The following CHD1L variants were observed in gnomAD, a reference collection of about 807,000 sequenced individuals.
CHD1L encodes the protein chromodomain helicase DNA binding protein 1 like.
CHD1L carries 118 observed loss-of-function variants against 115.9 expected under a neutral mutation model. The ratio of observed to expected loss-of-function variants is 1.02; its 90% CI spans 0.88 to 1.19. CHD1L has a LOEUF of 1.19. CHD1L is among the 50% of genes most tolerant of loss of function. The probability of loss-of-function intolerance (pLI) is 0.00; values close to 1 mark genes in which losing one functional copy is unlikely to be tolerated. For synonymous variants in CHD1L, 411 were observed against 387.1 expected (o/e 1.06, Z -0.72); for missense variants, 1,179 against 1,065.3 (o/e 1.11, Z -1.49).
intron 1 of CHD1L, among the ~76,000 whole-genome samples, chr1:147,243,560 C>T (rs1307324268): frequency 6.6e-6 from 1 of 152,136 alleles, no homozygotes; most frequent in East Asian, 1.9e-4. Flanking sequence ...GACCGTACTT[C>T]CTGCAGCTCC....
At chr1:147,186,683 C>T in the CHD1L span, 1 of 1,373,324 alleles carries the variant, frequency 7.3e-7, no homozygotes, top group African/African-American at 1.5e-5. Flanking sequence ...GGGATTACCA[C>T]AAGGAAGAGT....
the CHD1L span, among the ~76,000 whole-genome samples, chr1:147,232,832 G>A: frequency 5.3e-5 from 8 of 152,266 alleles, no homozygotes; most frequent in South Asian, 6.2e-4. Flanking sequence ...GTGCAGTGGC[G>A]TGATCTCGGC....
At chr1:147,174,682 TCTC>T in the CHD1L span, 1 of 151,998 alleles carries the variant, frequency 6.6e-6, no homozygotes, top group Non-Finnish European at 1.5e-5. Context: ...AAGAATGAAT[TCTC>T]CTTAGTCCCA....
At chr1:147,179,451 A>C in the CHD1L span, 1 of 1,590,198 alleles carries the variant, frequency 6.3e-7, no homozygotes, top group Non-Finnish European at 8.6e-7. Context: ...CTCCATATGA[A>C]GTCAGAGTTT....
rs782010267 is a variant in CHD1L at position 147,295,489 on chromosome 1, T to C, written c.2674T>C (p.Ser892Pro). 6.2e-7 allele frequency: 1 copy of C among 1,610,626 alleles called. No individual in the cohort carries two copies. The highest frequency in any genetic ancestry group is 1.7e-5 in the Admixed American group (1 of 59,868). ...TCATTCACAGTCTTCATCTTCCTCC[T>C]CAAGACAGCTGGTGCCTTAAGAATT... ...VLHSQSSSSS[S>P]RQLVP The change falls in exon 23 of 23, where the codon TCA becomes CCA. Residue 892 changes from serine to proline, a missense_variant. By Grantham distance (74) the Ser-to-Pro change is moderately conservative. Transcript: ENST00000369258.
intron 19 of CHD1L, among the ~76,000 whole-genome samples, chr1:147,289,025 C>G (rs985240336): frequency 1.3e-5 from 2 of 152,084 alleles, no homozygotes; most frequent in African/African-American, 4.8e-5. Context: ...CCTAATTCTG[C>G]CCAGTTCTCT....
intron 17 of CHD1L, among the ~76,000 whole-genome samples, chr1:147,285,824 G>C (rs1281093588): frequency 6.6e-6 from 1 of 152,034 alleles, no homozygotes; most frequent in Non-Finnish European, 1.5e-5. Flanking sequence ...AACCTCCCTA[G>C]TAGCTGGGAA....
chr1:147,178,204 A>G, the CHD1L span: 4 of 1,613,056 alleles, frequency 2.5e-6, no homozygotes, highest in Non-Finnish European at 3.4e-6. Context: ...GCTAGGACTC[A>G]GGGACGACAA....
the CHD1L span, chr1:147,201,585 G>C: frequency 2.2e-5 from 22 of 1,011,794 alleles, no homozygotes; most frequent in Non-Finnish European, 3.3e-5. Context: ...TGCTTTGGTG[G>C]AGGTAAACAG....
At chr1:147,288,700 G>A (rs1684353985) in intron 19 of CHD1L, among the ~76,000 whole-genome samples, 1 of 152,114 alleles carries the variant, frequency 6.6e-6, no homozygotes, top group African/African-American at 2.4e-5. Flanking sequence ...CTATGGGAGA[G>A]AAATTGGACA....
At chr1:147,179,604 A>T in the CHD1L span, 6 of 1,573,020 alleles carry the variant, frequency 3.8e-6, no homozygotes, top group South Asian at 1.1e-5. Context: ...ACCCAAGAAG[A>T]AGAAGGCACA....
intron 1 of CHD1L, among the ~76,000 whole-genome samples, chr1:147,249,777 G>A (rs1169426693): frequency 6.6e-6 from 1 of 152,142 alleles, no homozygotes; most frequent in Non-Finnish European, 1.5e-5. Context: ...GAAGTTTTCA[G>A]CTATTATTTA....
chr1:147,223,356 A>G, the CHD1L span, among the ~76,000 whole-genome samples: 5 of 152,258 alleles, frequency 3.3e-5, 1 homozygote, highest in Admixed American at 3.3e-4. Flanking sequence ...TTAGTCCCCA[A>G]AACAGAGTCA....
At position 147,252,625 on chromosome 1, in the gene CHD1L, A is replaced by T. The variant is rs782246341; in HGVS notation, c.130A>T (p.Ile44Phe). The change falls in exon 2 of 23, where the codon ATT becomes TTT. Residue 44 changes from isoleucine (I) to phenylalanine (F), a missense_variant and splice_region_variant. Coordinates refer to ENST00000369258, the MANE Select transcript of CHD1L (RefSeq NM_004284.6). Reference protein sequence around the residue: ...QDLRQWGLTGIHLRSYQLEGV... With the variant: ...QDLRQWGLTGFHLRSYQLEGV... ...TTTGCTGTATTTTTTGTTTCTAGGGATTCACCTACGCTCTTACCAGCTGGA... is the reference window on the plus strand; with the variant it reads ...TTTGCTGTATTTTTTGTTTCTAGGGTTTCACCTACGCTCTTACCAGCTGGA... 35 of 1,613,162 alleles carry T rather than the reference A, an allele frequency of 2.2e-5. No individual in the cohort carries two copies. The highest frequency in any genetic ancestry group is 2.9e-5 in the Non-Finnish European group (34 of 1,179,570).
intron 15 of CHD1L, among the ~76,000 whole-genome samples, chr1:147,283,672 C>A (rs868913696): frequency 6.6e-6 from 1 of 152,180 alleles, no homozygotes. Context: ...GTTATTATTA[C>A]CACAGTTATT....
At chr1:147,294,338 T>C in intron 21 of CHD1L, 71 bp from the exon 22 acceptor site, 2 of 982,980 alleles carry the variant, frequency 2.0e-6, no homozygotes, top group Non-Finnish European at 3.0e-6. Flanking sequence ...AATAATTTTC[T>C]CCCATGTGTA....
At chr1:147,269,667 C>CAAAAAA (rs10649680) in intron 10 of CHD1L, among the ~76,000 whole-genome samples, 3 of 93,254 alleles carry the variant, frequency 3.2e-5, no homozygotes, top group African/African-American at 4.4e-5. Flanking sequence ...GGCTCCATCT[C>CAAAAAA]AAAAAAAAAA....
At chr1:147,189,254 CAG>C in the CHD1L span, among the ~76,000 whole-genome samples, 1 of 146,512 alleles carries the variant, frequency 6.8e-6, no homozygotes, top group Non-Finnish European at 1.5e-5. Flanking sequence ...GCCTGAGTGA[CAG>C]AGTGAGACTC....
intron 1 of CHD1L, among the ~76,000 whole-genome samples, chr1:147,248,584 G>A (rs1158604171): frequency 6.6e-6 from 1 of 152,040 alleles, no homozygotes; most frequent in Admixed American, 6.6e-5. Context: ...GCTTAACTCT[G>A]CCATCTTATT....
Sources: allele counts gnomAD v4.1 joint callset (sites outside exome capture counted in the v4.1 genomes callset), GRCh38; gene constraint gnomAD v4.1.1; transcripts MANE v1.5; gene names NCBI Gene and HGNC (gene_info 2026-07-23, HGNC 2026-07-21).